The following ROBO1 variants were observed in gnomAD, a reference collection of about 807,000 sequenced individuals.
The protein encoded by ROBO1 is roundabout homolog 1.
In ROBO1, 149 loss-of-function variants were observed where a neutral mutation model predicts 195.9. The ratio of observed to expected loss-of-function variants is 0.76; its 90% CI spans 0.67 to 0.87. The LOEUF (loss-of-function observed/expected upper bound fraction) is 0.87, where lower values mean the gene tolerates loss of function less well. Ranked by LOEUF, ROBO1 falls within the 40% of genes least tolerant of loss-of-function variation. The pLI is 0.00. For synonymous variants in ROBO1, 816 were observed against 733.2 expected, an observed-to-expected ratio of 1.11 and a Z score of -1.82; for missense variants, 1,933 against 2,068.3, an observed-to-expected ratio of 0.93 and a Z score of 1.27.
rs896626761 is a variant in ROBO1, at chr3:79,127,143, A to G, written c.89-1604T>C. Reference sequence around the variant, plus strand: ...ATAGATGCTGCAAGTGATAAGGCAGAAAAAGCGTCCACTTTACCTTTCCGG... The same window carrying G: ...ATAGATGCTGCAAGTGATAAGGCAGGAAAAGCGTCCACTTTACCTTTCCGG... On this transcript the variant is annotated intron_variant, in intron 2 of 30. Coordinates refer to ENST00000464233, the MANE Select transcript of ROBO1 (RefSeq NM_002941.4). Among the ~76,000 whole-genome samples the G allele has an allele frequency of 3.9e-5, 6 of 152,324 alleles. No individual in the cohort carries two copies. In the East Asian group the frequency reaches 1.2e-3, roughly 29 times the overall value.
At chr3:78,636,148 G>C in intron 22 of ROBO1, 40 bp from the exon 23 acceptor site, 1 of 1,422,656 alleles carries the variant, frequency 7.0e-7, no homozygotes, top group Non-Finnish European at 9.6e-7. Flanking sequence ...ATCATTCTGC[G>C]TGGTTATTCC....
chr3:79,615,919 A>C (rs889187138), intron 1 of ROBO1, among the ~76,000 whole-genome samples: 12 of 152,180 alleles, frequency 7.9e-5, no homozygotes, highest in African/African-American at 2.9e-4. Flanking sequence ...CCTCATAAAG[A>C]AGATCCAAAG....
In ROBO1 at chr3:79,671,071, C is replaced by G. The variant is rs1253417110; in HGVS notation, c.-50-81110G>C. Among the ~76,000 whole-genome samples, 3 of 151,650 alleles carry G rather than the reference C, an allele frequency of 2.0e-5. No individual in the cohort carries two copies. The East Asian group carries it at 5.9e-4, about 30-fold the overall frequency. Reference sequence around the variant, plus strand: ...AGCTGACTCCTAATTAACAATGAAGCAGGTATATGGAATTAAAATAGTCAA... The same window carrying G: ...AGCTGACTCCTAATTAACAATGAAGGAGGTATATGGAATTAAAATAGTCAA... On this transcript the variant is annotated intron_variant, in intron 1 of 30. Coordinates refer to ENST00000464233, the MANE Select transcript of ROBO1 (RefSeq NM_002941.4).
At chr3:79,310,277 G>C (rs1213678852) in intron 2 of ROBO1, among the ~76,000 whole-genome samples, 2 of 152,152 alleles carry the variant, frequency 1.3e-5, no homozygotes, top group Admixed American at 6.5e-5. Context: ...CTGCTCATCT[G>C]GTTGGCAGCT....
At chr3:79,039,764 T>C (rs1212822229) in intron 3 of ROBO1, among the ~76,000 whole-genome samples, 4 of 114,208 alleles carry the variant, frequency 3.5e-5, no homozygotes, top group Admixed American at 1.3e-4. Context: ...ATCGCGCCAC[T>C]GTGCTCCAGC....
chr3:79,214,281 A>T (rs114706532), intron 2 of ROBO1, among the ~76,000 whole-genome samples: 3,332 of 152,224 alleles, frequency 0.022, 111 homozygotes, highest in African/African-American at 0.074. Flanking sequence ...TACCGTAAAT[A>T]ATAGTAATAA....
intron 5 of ROBO1, among the ~76,000 whole-genome samples, chr3:78,735,648 C>A (rs958996736): frequency 1.3e-5 from 2 of 151,980 alleles, no homozygotes; most frequent in African/African-American, 4.8e-5. Context: ...ATTTATTAAA[C>A]CCTATATATT....
chr3:78,662,059 T>C lies in ROBO1; in HGVS notation c.2022A>G (p.Gly674=), dbSNP rs2107671903. The C allele has an allele frequency of 6.3e-7, 1 of 1,592,498 alleles. No homozygotes were observed. The highest frequency in any genetic ancestry group is 8.6e-7 in the Non-Finnish European group (1 of 1,168,880). ...VDHKQVQREL[G]NAVLHLHNPT... The stretch of plus-strand genomic sequence containing the variant: ...GGTTGTGGAGGTGCAGAACAGCATT[T>C]CCCAGCTCTCTCTGGACCTGCTTGT... Residue 674 remains glycine (G), a synonymous_variant, in exon 15 of 31, where the codon GGA becomes GGG. Coordinates refer to ENST00000464233, the MANE Select transcript of ROBO1 (RefSeq NM_002941.4).
chr3:78,718,678 A>C (rs2081962047), intron 5 of ROBO1, among the ~76,000 whole-genome samples: 1 of 152,018 alleles, frequency 6.6e-6, no homozygotes, highest in African/African-American at 2.4e-5. Flanking sequence ...ATTACCCATG[A>C]ATATCTACAA....
At chr3:78,662,955 C>T (rs2107676877) in intron 14 of ROBO1, among the ~76,000 whole-genome samples, 1 of 152,094 alleles carries the variant, frequency 6.6e-6, no homozygotes, top group East Asian at 1.9e-4. Flanking sequence ...TTTCTAAACA[C>T]AGATGTTTTG....
intron 23 of ROBO1, 79 bp downstream of exon 23, chr3:78,635,694 G>T (rs937760913): frequency 1.6e-6 from 2 of 1,230,594 alleles, no homozygotes; most frequent in East Asian, 2.4e-5. Flanking sequence ...CTTGCTAGTC[G>T]CAGACAAGTT....
At chr3:78,805,903 A>G (rs1046477316) in intron 4 of ROBO1, among the ~76,000 whole-genome samples, 2 of 152,144 alleles carry the variant, frequency 1.3e-5, no homozygotes, top group Non-Finnish European at 2.9e-5. Flanking sequence ...CAGATTGATA[A>G]TATTACACTT....
At chr3:79,019,287 G>C in intron 3 of ROBO1, 1 of 985,892 alleles carries the variant, frequency 1.0e-6, no homozygotes, top group African/African-American at 1.7e-5. Context: ...CTGCACCCCT[G>C]GCTCGTGGAA....
intron 2 of ROBO1, among the ~76,000 whole-genome samples, chr3:79,250,791 C>T (rs961377727): frequency 1.3e-5 from 2 of 152,134 alleles, no homozygotes; most frequent in African/African-American, 4.8e-5. Flanking sequence ...CGCGTTGGCT[C>T]ACACCTGTAG....
At chr3:79,312,189 C>G (rs550710379) in intron 2 of ROBO1, among the ~76,000 whole-genome samples, 10 of 152,302 alleles carry the variant, frequency 6.6e-5, no homozygotes, top group African/African-American at 1.9e-4. Context: ...TTCAAACAAT[C>G]TCCATTGCCC....
At chr3:78,923,903 G>T (rs1043857364) in intron 4 of ROBO1, among the ~76,000 whole-genome samples, 1 of 151,748 alleles carries the variant, frequency 6.6e-6, no homozygotes, top group Non-Finnish European at 1.5e-5. Context: ...TTTCAAATTG[G>T]TTAATACTTG....
chr3:78,652,382 T>C (rs1368125078), intron 18 of ROBO1, among the ~76,000 whole-genome samples: 1 of 152,144 alleles, frequency 6.6e-6, no homozygotes, highest in Non-Finnish European at 1.5e-5. Flanking sequence ...TCTACAGGCA[T>C]GCTTAAATAG....
chr3:79,056,869 T>C (rs2078819366), intron 3 of ROBO1, among the ~76,000 whole-genome samples: 1 of 152,120 alleles, frequency 6.6e-6, no homozygotes, highest in Non-Finnish European at 1.5e-5. Context: ...TCAAAAACTC[T>C]GTCTGTTTAT....
Position 79,112,625 on chromosome 3 carries a change from G to C in ROBO1, c.172+12831C>G, listed in dbSNP as rs144172339. ...CTTTGTAGAGACGTGGATGAAGCTG[G>C]AAACCATCATTCTCAGCAAACTATC... On this transcript the variant is annotated intron_variant, in intron 3 of 30. Coordinates refer to ENST00000464233, the MANE Select transcript of ROBO1 (RefSeq NM_002941.4). Among the ~76,000 whole-genome samples the C allele has an allele frequency of 2.3e-3, 344 of 152,238 alleles. 3 individuals carry two copies. The highest frequency in any genetic ancestry group is 7.9e-3 in the African/African-American group (329 of 41,542).
Sources: gnomAD v4.1 joint callset for allele counts (sites outside exome capture counted in the v4.1 genomes callset) on GRCh38, gnomAD v4.1.1 for gene constraint, MANE v1.5 for transcripts, NCBI Gene and HGNC (gene_info 2026-07-23, HGNC 2026-07-21) for gene names.